Variants in STK39 observed in about 807,000 individuals in gnomAD.
STK39 encodes the protein serine/threonine kinase 39.
Under a neutral mutation model 77.8 loss-of-function variants are expected in STK39, and 20 were observed. The ratio of observed to expected loss-of-function variants is 0.26; its 90% CI spans 0.18 to 0.37. The LOEUF (loss-of-function observed/expected upper bound fraction) is 0.37, where lower values mean the gene tolerates loss of function less well. Among genes scored for constraint, STK39 ranks in the 10% least tolerant of loss-of-function variants. STK39 has a pLI of 1.00. For synonymous variants in STK39, 246 were observed against 234.1 expected (o/e 1.05, Z -0.47); for missense variants, 479 against 656.5 (o/e 0.73, Z 2.95).
intron 10 of STK39, among the ~76,000 whole-genome samples, chr2:168,108,060 G>A (rs1687025701): frequency 6.6e-6 from 1 of 152,186 alleles, no homozygotes; most frequent in Non-Finnish European, 1.5e-5. Context: ...TACAGAATAT[G>A]TATGACATTC....
intron 1 of STK39, among the ~76,000 whole-genome samples, chr2:168,198,785 C>G (rs1248720607): frequency 6.6e-6 from 1 of 152,188 alleles, no homozygotes; most frequent in Non-Finnish European, 1.5e-5. Context: ...TGAAACACTT[C>G]AAGAGACAAC....
intron 2 of STK39, among the ~76,000 whole-genome samples, chr2:168,177,641 A>G (rs531819634): frequency 4.6e-5 from 7 of 152,276 alleles, no homozygotes; most frequent in Admixed American, 4.6e-4. Flanking sequence ...ACATGACTTC[A>G]AGAAAAAGCA....
intron 15 of STK39, among the ~76,000 whole-genome samples, chr2:168,016,387 C>CAAAAAAAAAAAAAAAAAA (rs869084308): frequency 9.1e-5 from 6 of 65,686 alleles, no homozygotes; most frequent in African/African-American, 2.8e-4. Context: ...GGCCTTTGTT[C>CAAAAAAAAAAAAAAAAAA]AAAAAAAAAA....
intron 1 of STK39, among the ~76,000 whole-genome samples, chr2:168,237,216 G>A (rs1185888414): frequency 6.6e-6 from 1 of 152,122 alleles, no homozygotes; most frequent in Non-Finnish European, 1.5e-5. Context: ...AATTGTGGAT[G>A]GAGTTCACTC....
intron 12 of STK39, among the ~76,000 whole-genome samples, chr2:168,071,971 C>CA (rs1274164645): frequency 2.0e-5 from 3 of 151,520 alleles, no homozygotes; most frequent in African/African-American, 4.9e-5. Context: ...AATACATACA[C>CA]AAAAAAGTTA....
intron 14 of STK39, among the ~76,000 whole-genome samples, chr2:168,019,701 T>G (rs1036875571): frequency 1.3e-5 from 2 of 152,110 alleles, no homozygotes; most frequent in Admixed American, 1.3e-4. Flanking sequence ...TTATATTTAT[T>G]TATTTATTTT....
intron 10 of STK39, among the ~76,000 whole-genome samples, chr2:168,080,263 G>C (rs747247867): frequency 5.3e-5 from 8 of 152,208 alleles, no homozygotes; most frequent in Non-Finnish European, 1.0e-4. Context: ...CTTGGGTGCT[G>C]TTAAAGGCAT....
intron 5 of STK39, among the ~76,000 whole-genome samples, chr2:168,152,141 GAGTTC>G (rs1688304466): frequency 6.6e-6 from 1 of 152,222 alleles, no homozygotes; most frequent in Non-Finnish European, 1.5e-5. Context: ...GCTTTTTCAA[GAGTTC>G]ACTAGTGGTC....
intron 8 of STK39, among the ~76,000 whole-genome samples, chr2:168,135,815 G>T (rs1204923704): frequency 6.6e-6 from 1 of 152,202 alleles, no homozygotes; most frequent in African/African-American, 2.4e-5. Flanking sequence ...TAGCTGCTTG[G>T]TATAGAGAAC....
chr2:168,133,789 C>T (rs1473109291), intron 8 of STK39, among the ~76,000 whole-genome samples: 4 of 151,222 alleles, frequency 2.6e-5, no homozygotes, highest in Admixed American at 1.3e-4. Flanking sequence ...ACCCAGGAGG[C>T]GGAGGTTGCA....
At chr2:168,018,594 G>GAAAGAAAGAAAGAAAT (rs1452217033) in intron 14 of STK39, among the ~76,000 whole-genome samples, 26 of 148,320 alleles carry the variant, frequency 1.8e-4, no homozygotes, top group African/African-American at 6.4e-4. Flanking sequence ...AAGAAAGAAA[G>GAAAGAAAGAAAGAAAT]AAAGAAATTG....
chr2:168,058,951 A>G (rs749946936), intron 14 of STK39, among the ~76,000 whole-genome samples: 15 of 152,354 alleles, frequency 9.8e-5, no homozygotes, highest in Non-Finnish European at 2.2e-4. Context: ...AGTAAAATCC[A>G]AAGTCTTCAC....
intron 1 of STK39, among the ~76,000 whole-genome samples, chr2:168,203,983 G>A (rs967989058): frequency 6.6e-6 from 1 of 152,190 alleles, no homozygotes; most frequent in Non-Finnish European, 1.5e-5. Flanking sequence ...AAGAAAGGGG[G>A]AAAAACACAG....
At chr2:167,964,376 C>T (rs1692087495) in intron 17 of STK39, 1 of 320,222 alleles carries the variant, frequency 3.1e-6, no homozygotes, top group Non-Finnish European at 5.7e-6. Context: ...AGTTGCAATA[C>T]AAACTGCAAG....
chr2:168,121,066 A>C (rs1687393165), intron 10 of STK39, among the ~76,000 whole-genome samples: 1 of 151,910 alleles, frequency 6.6e-6, no homozygotes, highest in Non-Finnish European at 1.5e-5. Context: ...ATACGCTCCC[A>C]TTTTCCTGTG....
At chr2:168,209,728 G>A (rs1453112287) in intron 1 of STK39, among the ~76,000 whole-genome samples, 2 of 152,126 alleles carry the variant, frequency 1.3e-5, no homozygotes, top group Non-Finnish European at 2.9e-5. Flanking sequence ...GCTGGGTGCG[G>A]AGGCTCACGC....
intron 17 of STK39, among the ~76,000 whole-genome samples, chr2:167,956,512 C>T (rs977577550): frequency 1.5e-4 from 23 of 149,854 alleles, no homozygotes; most frequent in African/African-American, 4.7e-4. Flanking sequence ...TGCAGTGAGC[C>T]GAGATCGTGC....
At chr2:168,232,740 G>A (rs549910682) in intron 1 of STK39, among the ~76,000 whole-genome samples, 4 of 151,990 alleles carry the variant, frequency 2.6e-5, no homozygotes, top group Non-Finnish European at 5.9e-5. Flanking sequence ...GTGAAATCCC[G>A]TCTCTACTAA....
chr2:168,157,557 G>GACC (rs1688466934), intron 5 of STK39, among the ~76,000 whole-genome samples: 1 of 152,236 alleles, frequency 6.6e-6, no homozygotes, highest in East Asian at 1.9e-4. Flanking sequence ...ATCTAGTAAG[G>GACC]ACCCGCCTTC....
Sources: allele counts gnomAD v4.1 joint callset (sites outside exome capture counted in the v4.1 genomes callset), GRCh38; gene constraint gnomAD v4.1.1; transcripts MANE v1.5; gene names NCBI Gene and HGNC (gene_info 2026-07-23, HGNC 2026-07-21).